Variants in ANK3 observed in about 807,000 individuals in gnomAD.
ANK3 encodes ankyrin-3.
Under a neutral mutation model 370.9 loss-of-function variants are expected in ANK3, and 57 were observed. That is an observed-to-expected ratio of 0.15 (90% confidence interval 0.12 to 0.19). The LOEUF is 0.19. ANK3 is among the 10% of genes least tolerant of loss of function. ANK3 has a pLI of 1.00. For missense variants in ANK3, 4,439 were observed against 5,302.1 expected, an observed-to-expected ratio of 0.84 and a Z score of 5.06; for synonymous variants, 1,929 against 1,946.3, an observed-to-expected ratio of 0.99 and a Z score of 0.23.
Position 60,075,491 on chromosome 10 carries a change from G to A in ANK3, c.5390C>T (p.Ala1797Val), listed in dbSNP as rs746898741. 8.1e-6 allele frequency: 13 copies of A among 1,613,094 alleles called. No individual in the cohort carries two copies. The South Asian group carries it at 1.4e-4, about 18-fold the overall frequency. Residue 1797 changes from alanine to valine, a missense_variant, in exon 37 of 44, where the codon GCA becomes GTA. Physicochemically the swap from Ala to Val is moderately conservative, Grantham distance 64. Around this residue, in one of 13 missense-constraint regions of ANK3, gnomAD observed 679 missense variants for 791.0 expected, o/e 0.86. Coordinates refer to ENST00000280772, the MANE Select transcript of ANK3 (RefSeq NM_020987.5). ...CCCAAGGGATGTATAGAGTGCACTTGCGGAAGGAGTTCTTAGAGACTGAAA... is the reference window on the plus strand; with the variant it reads ...CCCAAGGGATGTATAGAGTGCACTTACGGAAGGAGTTCTTAGAGACTGAAA... Reference protein sequence around the residue: ...SAFQSLRTPSASALYTSLGSS... With the variant: ...SAFQSLRTPSVSALYTSLGSS...
chr10:60,149,135 C>G (rs2132241987), intron 23 of ANK3, among the ~76,000 whole-genome samples: 1 of 152,324 alleles, frequency 6.6e-6, no homozygotes, highest in East Asian at 1.9e-4. Flanking sequence ...GTACTTCCAA[C>G]CTATACCCCA....
At chr10:60,276,923 T>C (rs1046717011) in intron 4 of ANK3, among the ~76,000 whole-genome samples, 1 of 152,220 alleles carries the variant, frequency 6.6e-6, no homozygotes, top group Non-Finnish European at 1.5e-5. Flanking sequence ...ATGCTTCTAT[T>C]GTAGTAAGCT....
intron 2 of ANK3, among the ~76,000 whole-genome samples, chr10:60,511,788 CA>C (rs2076088073): frequency 1.4e-5 from 2 of 140,670 alleles, no homozygotes; most frequent in African/African-American, 5.2e-5. Context: ...TGGGGAAAGG[CA>C]TTTTTTTTTT....
chr10:60,375,336 T>A (rs935856533), intron 1 of ANK3, among the ~76,000 whole-genome samples: 8 of 152,198 alleles, frequency 5.3e-5, no homozygotes, highest in African/African-American at 1.9e-4. Context: ...CTACTTCTAA[T>A]TGTCCCTGAG....
intron 38 of ANK3, among the ~76,000 whole-genome samples, chr10:60,065,799 A>G (rs1589467979): frequency 6.6e-6 from 1 of 152,252 alleles, no homozygotes; most frequent in Non-Finnish European, 1.5e-5. Context: ...ATTTAAAAAC[A>G]AAAACAAAGT....
intron 2 of ANK3, among the ~76,000 whole-genome samples, chr10:60,490,272 C>G (rs1441326172): frequency 6.6e-6 from 1 of 152,202 alleles, no homozygotes; most frequent in Non-Finnish European, 1.5e-5. Flanking sequence ...AACTTCTTGG[C>G]ACATTCTCAG....
At chr10:60,523,749 A>G (rs1475776099) in intron 2 of ANK3, among the ~76,000 whole-genome samples, 2 of 152,066 alleles carry the variant, frequency 1.3e-5, no homozygotes, top group African/African-American at 4.8e-5. Flanking sequence ...TCCTTTGGGT[A>G]TATACCCAGT....
At chr10:60,097,559 A>T (rs1339894889) in intron 28 of ANK3, among the ~76,000 whole-genome samples, 4 of 152,248 alleles carry the variant, frequency 2.6e-5, no homozygotes, top group African/African-American at 9.6e-5. Context: ...CAAGAATCAT[A>T]AAATGCTTTG....
intron 1 of ANK3, among the ~76,000 whole-genome samples, chr10:60,309,313 G>A (rs1705297882): frequency 6.6e-6 from 1 of 152,162 alleles, no homozygotes; most frequent in African/African-American, 2.4e-5. Flanking sequence ...TATTTCATAT[G>A]TTCTTGAATA....
At chr10:60,282,450 C>A (rs1014817063) in intron 1 of ANK3, among the ~76,000 whole-genome samples, 3 of 152,078 alleles carry the variant, frequency 2.0e-5, no homozygotes, top group African/African-American at 7.2e-5. Context: ...TATTTGGGAT[C>A]TGGATTCTTT....
intron 2 of ANK3, among the ~76,000 whole-genome samples, chr10:60,552,093 G>T (rs2077100736): frequency 6.6e-6 from 1 of 152,156 alleles, no homozygotes; most frequent in African/African-American, 2.4e-5. Flanking sequence ...TGAGAGCAAT[G>T]ACAACTTCAT....
intron 23 of ANK3, among the ~76,000 whole-genome samples, chr10:60,155,086 A>G (rs986166177): frequency 1.3e-5 from 2 of 152,170 alleles, no homozygotes; most frequent in Non-Finnish European, 2.9e-5. Flanking sequence ...ACAACTATCA[A>G]TGCAAGAAAG....
chr10:60,226,997 T>C (rs1466568493), intron 8 of ANK3, among the ~76,000 whole-genome samples: 1 of 151,740 alleles, frequency 6.6e-6, no homozygotes, highest in African/African-American at 2.4e-5. Context: ...CTCCTAGCTG[T>C]TCTTTCCTTT....
intron 2 of ANK3, among the ~76,000 whole-genome samples, chr10:60,499,194 C>T (rs916834254): frequency 6.6e-6 from 1 of 152,070 alleles, no homozygotes; most frequent in Non-Finnish European, 1.5e-5. Flanking sequence ...GGCTACTTGA[C>T]AAAAATGCAT....
chr10:60,470,895 C>A (rs1288542970), intron 2 of ANK3, among the ~76,000 whole-genome samples: 2 of 152,078 alleles, frequency 1.3e-5, no homozygotes, highest in Non-Finnish European at 2.9e-5. Flanking sequence ...AGCAGTCATC[C>A]TTTCCCACAT....
chr10:60,031,199 T>TTTCCA lies in ANK3; in HGVS notation c.*20-1374_*20-1373insTGGAA, dbSNP rs1264849168. Among the ~76,000 whole-genome samples the TTTCCA allele has an allele frequency of 2.6e-5, 4 of 152,204 alleles. No homozygotes were observed. In the East Asian group the frequency reaches 7.7e-4, roughly 29 times the overall value. ...ATGAAATTTCTTTTCCATAACCAAATTAAAATTAGAGACAAACTTCTACCA... is the reference window on the plus strand; with the variant it reads ...ATGAAATTTCTTTTCCATAACCAAATTTCCATAAAATTAGAGACAAACTTCTACCA... On this transcript the variant is annotated intron_variant, in intron 43 of 43. Coordinates refer to ENST00000280772, the MANE Select transcript of ANK3 (RefSeq NM_020987.5).
intron 1 of ANK3, among the ~76,000 whole-genome samples, chr10:60,290,898 C>T (rs2041217114): frequency 6.6e-6 from 1 of 152,232 alleles, no homozygotes; most frequent in East Asian, 1.9e-4. Flanking sequence ...TTTGTAAAGG[C>T]AGTGTTTTCA....
chr10:60,189,726 T>C (rs1220208509), intron 16 of ANK3, among the ~76,000 whole-genome samples: 2 of 152,228 alleles, frequency 1.3e-5, no homozygotes, highest in Non-Finnish European at 2.9e-5. Flanking sequence ...GATTCAACTG[T>C]AGAATAATTC....
chr10:60,416,961 C>G (rs2063682066), intron 2 of ANK3, among the ~76,000 whole-genome samples: 1 of 151,886 alleles, frequency 6.6e-6, no homozygotes, highest in African/African-American at 2.4e-5. Flanking sequence ...AAAATTGTAC[C>G]AAGAATAAAC....
Sources: gnomAD v4.1 joint callset for allele counts (sites outside exome capture counted in the v4.1 genomes callset) on GRCh38, gnomAD v4.1.1 for gene constraint, gnomAD v4.1.1 regional missense constraint, MANE v1.5 for transcripts, NCBI Gene and HGNC (gene_info 2026-07-23, HGNC 2026-07-21) for gene names.